Variants in ZNF557 observed in about 807,000 individuals in gnomAD.
The protein encoded by ZNF557 is CTB-25J19.9.
ZNF557 carries 19 observed loss-of-function variants against 21.2 expected under a neutral mutation model. That is an observed-to-expected ratio of 0.90 (90% CI 0.63 to 1.32). The LOEUF is 1.32. Among genes scored for constraint, ZNF557 ranks in the 40% most tolerant of loss-of-function variants. ZNF557 has a pLI of 0.00. For missense variants in ZNF557, 487 were observed against 519.8 expected (o/e 0.94, Z 0.61); for synonymous variants, 207 against 194.8 (o/e 1.06, Z -0.52).
chr19:7,074,859 AGG>A (rs1364247153), intron 2 of ZNF557, 135 bp from the exon 3 acceptor site: 9 of 437,242 alleles, frequency 2.1e-5, no homozygotes, highest in Non-Finnish European at 3.5e-5. Context: ...CACGGGCAGG[AGG>A]GGGGGTGACC....
Position 7,083,593 on chromosome 19 carries a change from G to T in ZNF557, c.1142G>T (p.Cys381Phe). The change falls in exon 8 of 8, where the codon TGT becomes TTT. Residue 381 changes from cysteine to phenylalanine, a missense_variant. Coordinates refer to ENST00000252840, the MANE Select transcript of ZNF557 (RefSeq NM_024341.3). The stretch of plus-strand genomic sequence containing the variant: ...GAGAAATCCTATGAGTGCAGTGATT[G>T]TGGAAAATCCTTTAATGTTCTCTCA... ...NGEKSYECSD[C>F]GKSFNVLSSV... 1 of 1,614,070 alleles carries T rather than the reference G, an allele frequency of 6.2e-7. No individual in the cohort carries two copies. Among genetic ancestry groups the T allele is most frequent in the African/African-American group, 1.3e-5 (1 of 75,042 alleles).
rs1977861517 is a variant in ZNF557 at position 7,086,872 on chromosome 19, T to A, written c.*3128T>A. On this transcript the variant is annotated 3_prime_UTR_variant, in exon 8 of 8. Coordinates refer to ENST00000252840, the MANE Select transcript of ZNF557 (RefSeq NM_024341.3). ...GAAACCTCGTCTCTACTAAAAAAAA[T>A]ACAAAAATTAGCTGGGCGTGATGAC... is the stretch of plus-strand genomic sequence containing the variant. The A allele has an allele frequency of 6.6e-6, 1 of 151,268 alleles. No individual in the cohort carries two copies. Among genetic ancestry groups the A allele is most frequent in the African/African-American group, 2.4e-5 (1 of 41,202 alleles). 9.4% of individuals were successfully genotyped at this position (151,268 alleles called of 1,614,324 possible). A position where few individuals can be genotyped will look rare whatever the true frequency, so the allele number is the denominator to read the frequency against.
At position 7,085,720 on chromosome 19, in the gene ZNF557, G is replaced by A. The variant is rs973306322; in HGVS notation, c.*1976G>A. On this transcript the variant is annotated 3_prime_UTR_variant, in exon 8 of 8. Coordinates refer to ENST00000252840, the MANE Select transcript of ZNF557 (RefSeq NM_024341.3). ...CAAAAGGTGTAAGTGCTATGAATGT[G>A]GAATTACCTTCATCAATGTCTCATT... The A allele has an allele frequency of 1.3e-5, 2 of 152,084 alleles. No individual in the cohort carries two copies. The highest frequency in any genetic ancestry group is 2.4e-5 in the African/African-American group (1 of 41,412). 9.4% of individuals were successfully genotyped at this position (152,084 alleles called of 1,614,324 possible).
intron 2 of ZNF557, among the ~76,000 whole-genome samples, chr19:7,073,056 G>A (rs1043443512): frequency 4.3e-4 from 66 of 152,112 alleles, no homozygotes; most frequent in African/African-American, 1.4e-3. Context: ...CTTCTCTACC[G>A]TTTGTGCAAC....
At chr19:7,071,308 G>C (rs984896645) in intron 2 of ZNF557, among the ~76,000 whole-genome samples, 5 of 151,910 alleles carry the variant, frequency 3.3e-5, no homozygotes, top group Admixed American at 6.6e-5. Context: ...GGTAGCTGCT[G>C]GTCCATGCGG....
At position 7,081,976 on chromosome 19, in the gene ZNF557, A is replaced by G. The variant is rs1977716818; in HGVS notation, c.350A>G (p.Glu117Gly). The change falls in exon 7 of 8, where the codon GAG becomes GGG. Residue 117 changes from glutamate to glycine, a missense_variant. Glu to Gly is a moderately conservative substitution (Grantham distance 98). Transcript: ENST00000252840. ...GILSGTCPDV[E>G]NPFKAKGLTP... ...TCTTTTTAACTTGTTTCAGATGTGG[A>G]GAATCCATTTAAAGCCAAAGGGTTA... 1.2e-6 allele frequency: 2 copies of G among 1,613,044 alleles called. No individual in the cohort carries two copies. The highest frequency in any genetic ancestry group is 1.7e-6 in the Non-Finnish European group (2 of 1,179,256).
At chr19:7,081,192 T>TGA (rs933586118) in intron 5 of ZNF557, among the ~76,000 whole-genome samples, 168 bp from the exon 6 acceptor site, 10 of 44,942 alleles carry the variant, frequency 2.2e-4, no homozygotes, top group Admixed American at 1.4e-3. Context: ...TGTGTGTGTG[T>TGA]GTGTGTGTGA....
In ZNF557 at chr19:7,082,065, T is replaced by G. The variant is rs1568409733; in HGVS notation, c.426+13T>G. 1 of 1,602,568 alleles carries G rather than the reference T, an allele frequency of 6.2e-7. No homozygotes were observed. Reference sequence around the variant, plus strand: ...AAATATGAAAATGGTAAGACTAACATGGGTGATTCCTGGTTTTTTTCATGG... The same window carrying G: ...AAATATGAAAATGGTAAGACTAACAGGGGTGATTCCTGGTTTTTTTCATGG... On this transcript the variant is annotated intron_variant, in intron 7 of 7. Transcript: ENST00000252840.
intron 5 of ZNF557, among the ~76,000 whole-genome samples, chr19:7,077,807 A>G (rs1977618112): frequency 6.6e-6 from 1 of 152,004 alleles, no homozygotes; most frequent in Non-Finnish European, 1.5e-5. Context: ...CCTTACCAAC[A>G]TTTGTCTCTT....
Position 7,084,011 on chromosome 19 carries a change from A to G in ZNF557, c.*267A>G, listed in dbSNP as rs1365131228. 2 of 388,904 alleles carry G rather than the reference A, an allele frequency of 5.1e-6. No individual in the cohort carries two copies. Among genetic ancestry groups the G allele is most frequent in the African/African-American group, 4.2e-5 (2 of 48,164 alleles). The allele number at this position is 388,904 out of a possible 1,614,324, so 24.1% of individuals were successfully genotyped here. A position where few individuals can be genotyped will look rare whatever the true frequency, so the allele number is the denominator to read the frequency against. Reference sequence around the variant, plus strand: ...TAATCATCCAGAATTGTTACTGGTGAAGGGACCACTTCCAAATGGCTTACA... The same window carrying G: ...TAATCATCCAGAATTGTTACTGGTGGAGGGACCACTTCCAAATGGCTTACA... On this transcript the variant is annotated 3_prime_UTR_variant, in exon 8 of 8. Coordinates refer to ENST00000252840, the MANE Select transcript of ZNF557 (RefSeq NM_024341.3).
rs1977797255 is a variant in ZNF557, at chr19:7,084,712, A to C, written c.*968A>C. ...AATCACCCACAGGTTAACTCACTCT[A>C]GAGAGAAATCTTGTGAGTGTAATCT... On this transcript the variant is annotated 3_prime_UTR_variant, in exon 8 of 8. Coordinates refer to ENST00000252840, the MANE Select transcript of ZNF557 (RefSeq NM_024341.3). 6.6e-6 allele frequency: 1 copy of C among 152,126 alleles called. No individual in the cohort carries two copies. Among genetic ancestry groups the C allele is most frequent in the East Asian group, 1.9e-4 (1 of 5,184 alleles). 9.4% of individuals were successfully genotyped at this position (152,126 alleles called of 1,614,324 possible).
chr19:7,078,339 T>C (rs1047967996), intron 5 of ZNF557, among the ~76,000 whole-genome samples: 1 of 152,192 alleles, frequency 6.6e-6, no homozygotes, highest in Non-Finnish European at 1.5e-5. Flanking sequence ...AGTTTTTAAG[T>C]GTATCCTATT....
rs71177149 is a variant in ZNF557, at chr19:7,074,331, T to TACACAC, written c.-79-643_-79-638dup. 6.7e-4 allele frequency among the ~76,000 whole-genome samples: 101 copies of TACACAC among 150,140 alleles called. 2 individuals carry two copies. The highest frequency in any genetic ancestry group is 3.4e-3 in the Middle Eastern group (1 of 292). On this transcript the variant is annotated intron_variant, in intron 2 of 7. Coordinates refer to ENST00000252840, the MANE Select transcript of ZNF557 (RefSeq NM_024341.3). ...AGCCGCTTTCATCTTTGTGTGTATA[T>TACACAC]ACACACACACACACACACACACACA...
At chr19:7,081,197 GT>G in intron 5 of ZNF557, among the ~76,000 whole-genome samples, 162 bp from the exon 6 acceptor site, 1 of 40,436 alleles carries the variant, frequency 2.5e-5, no homozygotes, top group African/African-American at 1.9e-4. Flanking sequence ...GTGTGTGTGT[GT>G]GTGAGTGTTT....
chr19:7,077,641 T>G (rs1977614251), intron 5 of ZNF557, among the ~76,000 whole-genome samples: 1 of 152,200 alleles, frequency 6.6e-6, no homozygotes, highest in African/African-American at 2.4e-5. Flanking sequence ...GCACCTGTTT[T>G]CTCTTGGGTA....
rs976943823 is a variant in ZNF557 at position 7,076,499 on chromosome 19, C to T, written c.239C>T (p.Ala80Val). 6 of 1,613,978 alleles carry T rather than the reference C, an allele frequency of 3.7e-6. No homozygotes were observed. The highest frequency in any genetic ancestry group is 5.1e-6 in the Non-Finnish European group (6 of 1,179,934). ...ATGCTGGAGAACTGCAGGAACCTGG[C>T]CTCACTGGGTAAGCCTAATGTCATT... is the stretch of plus-strand genomic sequence containing the variant. ...DVMLENCRNLASLGNQVDKPR... is the reference protein window; with the variant it reads ...DVMLENCRNLVSLGNQVDKPR... The change falls in exon 5 of 8, where the codon GCC (alanine) becomes GTC (valine). Residue 80 changes from alanine (A) to valine (V), a missense_variant. Transcript: ENST00000252840.
At chr19:7,073,157 G>GTTTTTTTTTTT (rs552141577) in intron 2 of ZNF557, among the ~76,000 whole-genome samples, 5 of 136,062 alleles carry the variant, frequency 3.7e-5, no homozygotes, top group Non-Finnish European at 6.1e-5. Flanking sequence ...GGTTTTTTTT[G>GTTTTTTTTTTT]TTTTTTTTTT....
intron 2 of ZNF557, among the ~76,000 whole-genome samples, chr19:7,074,180 A>T (rs28514453): frequency 6.6e-6 from 1 of 150,972 alleles, no homozygotes; most frequent in Non-Finnish European, 1.5e-5. Context: ...TTTTATTTTT[A>T]TTTTTTTAGT....
chr19:7,076,618 T>G lies in ZNF557; in HGVS notation c.247+111T>G. The G allele has an allele frequency of 2.7e-6, 4 of 1,467,134 alleles. No homozygotes were observed. The South Asian group carries it at 5.6e-5, about 21-fold the overall frequency. The allele number at this position is 1,467,134 out of a possible 1,614,324, so 90.9% of individuals were successfully genotyped here. ...CACAAAAGTCACCATTTAAACTATT[T>G]TAAAGTGTCCAATTTGGTGGCTTTT... On this transcript the variant is annotated intron_variant, in intron 5 of 7. Coordinates refer to ENST00000252840, the MANE Select transcript of ZNF557 (RefSeq NM_024341.3).
Sources: allele counts gnomAD v4.1 joint callset (sites outside exome capture counted in the v4.1 genomes callset), GRCh38; gene constraint gnomAD v4.1.1; transcripts MANE v1.5; gene names NCBI Gene and HGNC (gene_info 2026-07-23, HGNC 2026-07-21).